PDIA3: variants seen among roughly 807,000 people sequenced by gnomAD.
The protein encoded by PDIA3 is protein disulfide isomerase family A member 3.
In PDIA3, 16 loss-of-function variants were observed where a neutral mutation model predicts 56.9. The ratio of observed to expected loss-of-function variants is 0.28; its 90% CI spans 0.19 to 0.43. The LOEUF (loss-of-function observed/expected upper bound fraction) is 0.43, where lower values mean the gene tolerates loss of function less well. PDIA3 is among the 20% of genes least tolerant of loss of function. The probability of loss-of-function intolerance (pLI) is 1.00; values close to 1 mark genes in which losing one functional copy is unlikely to be tolerated. For synonymous variants in PDIA3, 192 were observed against 216.5 expected (o/e 0.89, Z 0.99); for missense variants, 485 against 621.3 (o/e 0.78, Z 2.33).
chr15:43,751,200 T>C (rs1241128140), intron 1 of PDIA3, among the ~76,000 whole-genome samples: 1 of 152,132 alleles, frequency 6.6e-6, no homozygotes, highest in African/African-American at 2.4e-5. Context: ...AGTTGATCTT[T>C]TCAACATCAA....
chr15:43,762,436 G>C (rs1396457139), intron 4 of PDIA3, among the ~76,000 whole-genome samples: 11 of 151,760 alleles, frequency 7.2e-5, no homozygotes, highest in Admixed American at 7.2e-4. Context: ...GCTTGAACCC[G>C]GGAGGCGGAG....
intron 1 of PDIA3, chr15:43,752,677 C>T: frequency 2.4e-6 from 1 of 423,304 alleles, no homozygotes; most frequent in Non-Finnish European, 4.8e-6. Context: ...TTATTTTAAA[C>T]AAGTTTTAGG....
intron 12 of PDIA3, 48 bp downstream of exon 12, chr15:43,770,628 C>A: frequency 8.6e-7 from 1 of 1,158,782 alleles, no homozygotes; most frequent in Non-Finnish European, 1.3e-6. Context: ...CAGACGTAAA[C>A]ACACAACCTT....
In PDIA3 at chr15:43,773,258, A is replaced by G. The variant is rs768345315; in HGVS notation, c.*2040A>G. Reference sequence around the variant, plus strand: ...AGAAAAAGCATCCATGTCAAAAAGTAAAAATTCTCATTCTACCTTGCTTCC... The same window carrying G: ...AGAAAAAGCATCCATGTCAAAAAGTGAAAATTCTCATTCTACCTTGCTTCC... On this transcript the variant is annotated 3_prime_UTR_variant, in exon 13 of 13. Coordinates refer to ENST00000300289, the MANE Select transcript of PDIA3 (RefSeq NM_005313.5). The G allele has an allele frequency of 3.1e-6, 5 of 1,613,752 alleles. No homozygotes were observed. Among genetic ancestry groups the G allele is most frequent in the Admixed American group, 3.3e-5 (2 of 59,900 alleles).
intron 2 of PDIA3, among the ~76,000 whole-genome samples, chr15:43,754,264 C>A (rs143321361): frequency 2.0e-5 from 3 of 151,858 alleles, no homozygotes; most frequent in Non-Finnish European, 4.4e-5. Context: ...TGTGATGGCA[C>A]GTGCCTGTAG....
intron 1 of PDIA3, among the ~76,000 whole-genome samples, chr15:43,753,159 C>A (rs973834167): frequency 2.0e-5 from 3 of 150,708 alleles, no homozygotes; most frequent in African/African-American, 4.9e-5. Flanking sequence ...CTCACTGCAA[C>A]CTCCACCTCC....
rs1189300539 is a variant in PDIA3 at position 43,766,875 on chromosome 15, T to A, written c.993T>A (p.Ala331=). Residue 331 remains alanine, a synonymous_variant, in exon 8 of 13, where the codon GCT becomes GCA. Transcript: ENST00000300289. ...TTCCTGTTGTTGCTATCAGAACTGCTAAAGGAGAGAAGTTTGTCATGCAGG... is the reference window on the plus strand; with the variant it reads ...TTCCTGTTGTTGCTATCAGAACTGCAAAAGGAGAGAAGTTTGTCATGCAGG... ...GEIPVVAIRT[A]KGEKFVMQEE... 6.2e-7 allele frequency: 1 copy of A among 1,614,032 alleles called. No homozygotes were observed. The highest frequency in any genetic ancestry group is 8.5e-7 in the Non-Finnish European group (1 of 1,179,996).
At chr15:43,757,291 G>A (rs1300704647) in intron 3 of PDIA3, among the ~76,000 whole-genome samples, 1 of 152,160 alleles carries the variant, frequency 6.6e-6, no homozygotes, top group African/African-American at 2.4e-5. Flanking sequence ...GGGTGCGGTG[G>A]CTCACGCCTG....
intron 3 of PDIA3, among the ~76,000 whole-genome samples, chr15:43,758,946 CA>C (rs1222076162): frequency 7.6e-6 from 1 of 131,516 alleles, no homozygotes; most frequent in African/African-American, 2.8e-5. Context: ...CACTGCACTC[CA>C]GCCTGGGTGA....
At chr15:43,756,529 T>C in intron 2 of PDIA3, 120 bp from the exon 3 acceptor site, 2 of 687,030 alleles carry the variant, frequency 2.9e-6, no homozygotes, top group Non-Finnish European at 5.3e-6. Context: ...TTCTGTGGCA[T>C]ATATGCCAAG....
chr15:43,766,224 T>G (rs764902029), intron 7 of PDIA3, among the ~76,000 whole-genome samples: 4 of 152,148 alleles, frequency 2.6e-5, no homozygotes, highest in African/African-American at 7.2e-5. Context: ...GCTTCCAAAT[T>G]GTCTACAATT....
Position 43,754,963 on chromosome 15 carries a change from A to G in PDIA3, c.246+1061A>G, listed in dbSNP as rs573527251. On this transcript the variant is annotated intron_variant, in intron 2 of 12. Coordinates refer to ENST00000300289, the MANE Select transcript of PDIA3 (RefSeq NM_005313.5). ...GAGCGAAACCCTGTCTCAAAAAAAA[A>G]AAAAGTAGTAAAGTATATGGTAAAT... Among the ~76,000 whole-genome samples the G allele has an allele frequency of 1.7e-4, 26 of 152,280 alleles. No homozygotes were observed. The East Asian group carries it at 1.7e-3, about 10-fold the overall frequency.
chr15:43,755,816 A>G (rs980374330), intron 2 of PDIA3, among the ~76,000 whole-genome samples: 3 of 151,846 alleles, frequency 2.0e-5, no homozygotes, highest in African/African-American at 4.8e-5. Context: ...CGGGAGGCTG[A>G]GGCAGGAGAA....
intron 1 of PDIA3, among the ~76,000 whole-genome samples, chr15:43,748,252 C>T (rs868438473): frequency 3.3e-5 from 5 of 152,144 alleles, no homozygotes; most frequent in South Asian, 4.1e-4. Flanking sequence ...CCGAGGCAGG[C>T]GGATCACCTG....
Position 43,771,716 on chromosome 15 carries a change from C to A in PDIA3, c.*498C>A. The A allele has an allele frequency of 2.5e-6, 1 of 398,556 alleles. No homozygotes were observed. The highest frequency in any genetic ancestry group is 4.4e-5 in the Admixed American group (1 of 22,784). The allele number at this position is 398,556 out of a possible 1,614,324, so 24.7% of individuals were successfully genotyped here. A position where few individuals can be genotyped will look rare whatever the true frequency, so the allele number is the denominator to read the frequency against. ...TTTTTGTTTTGATTAATTTAAATAG[C>A]CATACAGTTGCTACCATACTGGTCA... On this transcript the variant is annotated 3_prime_UTR_variant, in exon 13 of 13. Coordinates refer to ENST00000300289, the MANE Select transcript of PDIA3 (RefSeq NM_005313.5).
intron 1 of PDIA3, chr15:43,751,751 C>G (rs2086745785): frequency 7.7e-7 from 1 of 1,296,664 alleles, no homozygotes; most frequent in African/African-American, 1.5e-5. Flanking sequence ...TCTGGAGATT[C>G]TCATTCAGTA....
chr15:43,769,052 C>T (rs1174715707), intron 9 of PDIA3, among the ~76,000 whole-genome samples: 3 of 151,466 alleles, frequency 2.0e-5, no homozygotes, highest in Non-Finnish European at 2.9e-5. Context: ...TGGCAGGGCT[C>T]ATAATGCTTG....
chr15:43,771,737 G>A lies in PDIA3; in HGVS notation c.*519G>A. On this transcript the variant is annotated 3_prime_UTR_variant, in exon 13 of 13. Coordinates refer to ENST00000300289, the MANE Select transcript of PDIA3 (RefSeq NM_005313.5). Reference sequence around the variant, plus strand: ...ATAGCCATACAGTTGCTACCATACTGGTCACGGCAGCTGTAGACTGACTGG... The same window carrying A: ...ATAGCCATACAGTTGCTACCATACTAGTCACGGCAGCTGTAGACTGACTGG... 1 of 397,952 alleles carries A rather than the reference G, an allele frequency of 2.5e-6. No homozygotes were observed. The highest frequency in any genetic ancestry group is 2.1e-5 in the African/African-American group (1 of 48,742). The allele number at this position is 397,952 out of a possible 1,614,324, so 24.7% of individuals were successfully genotyped here. A position where few individuals can be genotyped will look rare whatever the true frequency, so the allele number is the denominator to read the frequency against.
chr15:43,763,102 G>A lies in PDIA3; in HGVS notation c.498G>A (p.Glu166=). 1 of 1,614,098 alleles carries A rather than the reference G, an allele frequency of 6.2e-7. No homozygotes were observed. Among genetic ancestry groups the A allele is most frequent in the South Asian group, 1.1e-5 (1 of 91,082 alleles). Residue 166 remains glutamate (E), a synonymous_variant, in exon 5 of 13, where the codon GAG becomes GAA. Coordinates refer to ENST00000300289, the MANE Select transcript of PDIA3 (RefSeq NM_005313.5). ...GTTTTTTCGATGATTCATTCAGTGA[G>A]GCTCACTCCGAGTTCCTAAAAGCAG... ...IVGFFDDSFS[E]AHSEFLKAAS...
Sources: gnomAD v4.1 joint callset for allele counts (sites outside exome capture counted in the v4.1 genomes callset) on GRCh38, gnomAD v4.1.1 for gene constraint, MANE v1.5 for transcripts, NCBI Gene and HGNC (gene_info 2026-07-23, HGNC 2026-07-21) for gene names.